MMP16: variants seen among roughly 807,000 people sequenced by gnomAD.
MMP16 encodes matrix metallopeptidase 16.
A neutral mutation model predicts 67.8 loss-of-function variants in MMP16; 12 were observed. The observed-to-expected ratio is 0.18, with a 90% CI of 0.11 to 0.29. The LOEUF (loss-of-function observed/expected upper bound fraction) is 0.29. Ranked by LOEUF, MMP16 falls within the 10% of genes least tolerant of loss-of-function variation. The pLI is 1.00. For synonymous variants in MMP16, 249 were observed against 255.9 expected (o/e 0.97, Z 0.26); for missense variants, 475 against 765.7 (o/e 0.62, Z 4.48).
intron 4 of MMP16, among the ~76,000 whole-genome samples, chr8:88,121,120 A>G (rs71526922): frequency 1.3e-5 from 2 of 151,210 alleles, no homozygotes; most frequent in African/African-American, 4.9e-5. Context: ...ATACAAAAAG[A>G]CAAAAACAAC....
At chr8:88,282,902 A>G (rs1278966057) in intron 1 of MMP16, among the ~76,000 whole-genome samples, 3 of 152,080 alleles carry the variant, frequency 2.0e-5, no homozygotes, top group Non-Finnish European at 4.4e-5. Flanking sequence ...CTTTTCATAT[A>G]TTGTTTAAGT....
At chr8:88,098,676 T>C (rs796644064) in intron 6 of MMP16, among the ~76,000 whole-genome samples, 18 of 152,104 alleles carry the variant, frequency 1.2e-4, no homozygotes, top group African/African-American at 4.1e-4. Context: ...CATTGACTTT[T>C]AAGAAGAGAA....
chr8:88,261,677 C>T (rs1357113213), intron 1 of MMP16, among the ~76,000 whole-genome samples: 1 of 151,928 alleles, frequency 6.6e-6, no homozygotes, highest in East Asian at 1.9e-4. Context: ...CAACTCAAAG[C>T]ACTTCCCATT....
chr8:88,068,853 C>T (rs760688131), intron 7 of MMP16, among the ~76,000 whole-genome samples: 1 of 152,058 alleles, frequency 6.6e-6, no homozygotes, highest in Non-Finnish European at 1.5e-5. Flanking sequence ...AGAAGCCTGC[C>T]ACCAAGCCTG....
At chr8:88,099,160 A>T (rs543223728) in intron 6 of MMP16, among the ~76,000 whole-genome samples, 119 of 151,722 alleles carry the variant, frequency 7.8e-4, no homozygotes, top group African/African-American at 2.7e-3. Context: ...GAATATAAGA[A>T]TTTTTTTATA....
chr8:88,155,163 C>G (rs920084155), intron 4 of MMP16, among the ~76,000 whole-genome samples: 7 of 151,958 alleles, frequency 4.6e-5, no homozygotes, highest in African/African-American at 1.7e-4. Context: ...TATTATGTTA[C>G]TACTAAATCA....
intron 1 of MMP16, among the ~76,000 whole-genome samples, chr8:88,202,577 GT>G (rs568862291): frequency 2.7e-5 from 4 of 150,766 alleles, no homozygotes; most frequent in African/African-American, 4.9e-5. Flanking sequence ...AGATTTTACT[GT>G]TTTTTTTTCT....
intron 3 of MMP16, among the ~76,000 whole-genome samples, chr8:88,182,935 G>A (rs1466209007): frequency 1.3e-5 from 2 of 152,016 alleles, no homozygotes; most frequent in Admixed American, 6.6e-5. Context: ...CTATTGCCAA[G>A]TGAAAGAAGC....
At chr8:88,056,371 A>G (rs909010499) in intron 7 of MMP16, 93 bp from the exon 8 acceptor site, 2 of 423,596 alleles carry the variant, frequency 4.7e-6, no homozygotes, top group Non-Finnish European at 3.6e-6. Context: ...TTAAATACAT[A>G]TTATACATTT....
chr8:88,085,481 A>G (rs1037032969), intron 6 of MMP16, among the ~76,000 whole-genome samples: 1 of 152,060 alleles, frequency 6.6e-6, no homozygotes, highest in African/African-American at 2.4e-5. Flanking sequence ...GATTGACCAG[A>G]TGTAATTCTG....
chr8:88,121,303 T>C (rs921711226), intron 4 of MMP16, among the ~76,000 whole-genome samples: 2 of 152,006 alleles, frequency 1.3e-5, no homozygotes, highest in Non-Finnish European at 2.9e-5. Flanking sequence ...GATATGAACT[T>C]ACGACCTGTC....
chr8:88,242,666 C>A (rs1810051448), intron 1 of MMP16, among the ~76,000 whole-genome samples: 1 of 152,142 alleles, frequency 6.6e-6, no homozygotes, highest in Admixed American at 6.5e-5. Flanking sequence ...AATGCTGAAA[C>A]TGATGGTTTG....
chr8:88,095,176 A>C (rs1357180483), intron 6 of MMP16, among the ~76,000 whole-genome samples: 1 of 151,696 alleles, frequency 6.6e-6, no homozygotes, highest in Non-Finnish European at 1.5e-5. Context: ...TTGCTAAAAG[A>C]CTTTTTTTTT....
At chr8:88,311,678 A>G (rs1811296934) in intron 1 of MMP16, among the ~76,000 whole-genome samples, 1 of 152,178 alleles carries the variant, frequency 6.6e-6, no homozygotes, top group African/African-American at 2.4e-5. Context: ...ATAGATGGAT[A>G]TAAACCATAA....
intron 1 of MMP16, among the ~76,000 whole-genome samples, chr8:88,197,764 G>T (rs1026952274): frequency 3.3e-5 from 5 of 152,166 alleles, no homozygotes; most frequent in African/African-American, 1.2e-4. Context: ...AGTGACTCCA[G>T]CTATGACGTG....
chr8:88,134,742 A>T (rs1273401032), intron 4 of MMP16, among the ~76,000 whole-genome samples: 2 of 150,660 alleles, frequency 1.3e-5, no homozygotes, highest in East Asian at 3.9e-4. Context: ...CCCATCCCTT[A>T]TTTTTTTTCT....
In MMP16 at chr8:88,288,845, A is replaced by G. The variant is rs567801159; in HGVS notation, c.132+38230T>C. Among the ~76,000 whole-genome samples the G allele has an allele frequency of 6.6e-5, 10 of 152,342 alleles. No homozygotes were observed. The South Asian group carries it at 2.1e-3, about 32-fold the overall frequency. ...TATATTTACTCATTCACTCTTCTCT[A>G]AGTCATTTATCACACTCATTTTATC... On this transcript the variant is annotated intron_variant, in intron 1 of 9. Coordinates refer to ENST00000286614, the MANE Select transcript of MMP16 (RefSeq NM_005941.5).
chr8:88,167,487 A>G lies in MMP16; in HGVS notation c.709+182T>C, dbSNP rs78357068. 1.4e-4 allele frequency among the ~76,000 whole-genome samples: 22 copies of G among 152,306 alleles called. No homozygotes were observed. In the East Asian group the frequency reaches 4.1e-3, roughly 28 times the overall value. On this transcript the variant is annotated intron_variant, in intron 4 of 9. Coordinates refer to ENST00000286614, the MANE Select transcript of MMP16 (RefSeq NM_005941.5). ...TAATCAAAGGAACACATATATAACTATATTATCTAATGACCCACACAAATT... is the reference window on the plus strand; with the variant it reads ...TAATCAAAGGAACACATATATAACTGTATTATCTAATGACCCACACAAATT...
chr8:88,301,119 A>T (rs1291058027), intron 1 of MMP16, among the ~76,000 whole-genome samples: 2 of 152,222 alleles, frequency 1.3e-5, no homozygotes, highest in African/African-American at 4.8e-5. Flanking sequence ...CTTTAAACCT[A>T]GCTCAATGAA....
Sources: gnomAD v4.1 joint callset for allele counts (sites outside exome capture counted in the v4.1 genomes callset) on GRCh38, gnomAD v4.1.1 for gene constraint, MANE v1.5 for transcripts, NCBI Gene and HGNC (gene_info 2026-07-23, HGNC 2026-07-21) for gene names.